Variants in SNX13 observed in about 807,000 individuals in gnomAD.
SNX13 encodes the protein sorting nexin-13.
In SNX13, 45 loss-of-function variants were observed where a neutral mutation model predicts 133.6. That is an observed-to-expected ratio of 0.34 (90% CI 0.27 to 0.43). SNX13 has a LOEUF of 0.43. SNX13 is among the 20% of genes least tolerant of loss of function. The pLI, the probability that SNX13 is intolerant of heterozygous loss-of-function variation, is 1.00. For synonymous variants in SNX13, 414 were observed against 373.9 expected, an observed-to-expected ratio of 1.11 and a Z score of -1.24; for missense variants, 1,032 against 1,145.1, an observed-to-expected ratio of 0.90 and a Z score of 1.43.
intron 1 of SNX13, among the ~76,000 whole-genome samples, chr7:17,923,460 T>C (rs1432703874): frequency 6.6e-6 from 1 of 152,196 alleles, no homozygotes; most frequent in Non-Finnish European, 1.5e-5. Flanking sequence ...AGTGACTCTG[T>C]TAAGAGGCAG....
At chr7:17,915,110 T>C (rs1191237930) in intron 1 of SNX13, among the ~76,000 whole-genome samples, 1 of 151,948 alleles carries the variant, frequency 6.6e-6, no homozygotes, top group African/African-American at 2.4e-5. Context: ...CCAAAAACAC[T>C]AAAAAAGGAC....
At chr7:17,872,754 G>A (rs1325944659) in intron 8 of SNX13, among the ~76,000 whole-genome samples, 1 of 152,202 alleles carries the variant, frequency 6.6e-6, no homozygotes, top group Non-Finnish European at 1.5e-5. Flanking sequence ...ACAGACTAAA[G>A]AGATCATAAG....
chr7:17,859,749 A>G (rs1792399666), intron 9 of SNX13, among the ~76,000 whole-genome samples: 1 of 152,174 alleles, frequency 6.6e-6, no homozygotes, highest in Non-Finnish European at 1.5e-5. Context: ...GGGATCATGC[A>G]GTATTTGTCT....
intron 1 of SNX13, among the ~76,000 whole-genome samples, chr7:17,913,760 CAAAA>C (rs71010278): frequency 7.2e-4 from 39 of 54,074 alleles, no homozygotes; most frequent in South Asian, 3.0e-3. Context: ...TTAACAAAAA[CAAAA>C]AAAAAAAAAA....
intron 9 of SNX13, among the ~76,000 whole-genome samples, chr7:17,855,996 T>G (rs1400121782): frequency 2.6e-5 from 4 of 152,192 alleles, no homozygotes; most frequent in Non-Finnish European, 5.9e-5. Flanking sequence ...AGGTCAAATA[T>G]CAACATTCAC....
intron 1 of SNX13, among the ~76,000 whole-genome samples, chr7:17,913,689 T>C (rs562011128): frequency 7.0e-6 from 1 of 142,340 alleles, no homozygotes. Context: ...CATACGTCAG[T>C]CATACCCTCA....
At chr7:17,837,708 T>C (rs1254850619) in intron 13 of SNX13, among the ~76,000 whole-genome samples, 1 of 152,020 alleles carries the variant, frequency 6.6e-6, no homozygotes, top group Non-Finnish European at 1.5e-5. Flanking sequence ...AATCCCTTTT[T>C]GAGGAAAAAT....
At chr7:17,821,728 G>T in intron 17 of SNX13, 80 bp from the exon 18 acceptor site, 1 of 1,474,154 alleles carries the variant, frequency 6.8e-7, no homozygotes, top group South Asian at 1.3e-5. Context: ...CACAAAAAAG[G>T]AGGAAGATGA....
intron 1 of SNX13, among the ~76,000 whole-genome samples, chr7:17,920,388 CT>C (rs1425309748): frequency 6.6e-6 from 1 of 152,182 alleles, no homozygotes; most frequent in Non-Finnish European, 1.5e-5. Context: ...TTTGAATGAA[CT>C]CTTCATTCAA....
intron 5 of SNX13, among the ~76,000 whole-genome samples, chr7:17,884,846 TAAC>T (rs1795798034): frequency 6.6e-6 from 1 of 152,150 alleles, no homozygotes; most frequent in African/African-American, 2.4e-5. Flanking sequence ...ACTAAGATGG[TAAC>T]AAAAAGACAG....
At chr7:17,851,716 G>A (rs1440135005) in intron 9 of SNX13, among the ~76,000 whole-genome samples, 8 of 151,274 alleles carry the variant, frequency 5.3e-5, no homozygotes, top group Non-Finnish European at 7.4e-5. Context: ...AGCATTTGCC[G>A]GGCGGGGGGG....
intron 17 of SNX13, among the ~76,000 whole-genome samples, chr7:17,825,683 C>G (rs1407890923): frequency 1.3e-5 from 2 of 152,072 alleles, no homozygotes; most frequent in African/African-American, 4.8e-5. Flanking sequence ...TAATCCTGAA[C>G]TAAGATCTCT....
rs199942494 is a variant in SNX13 at position 17,804,210 on chromosome 7, C to CA, written c.2065-631dup. Among the ~76,000 whole-genome samples, 303 of 149,974 alleles carry CA rather than the reference C, an allele frequency of 2.0e-3. 1 individual carries two copies. Among genetic ancestry groups the CA allele is most frequent in the African/African-American group, 6.8e-3 (280 of 40,944 alleles). On this transcript the variant is annotated intron_variant, in intron 20 of 25. Transcript: ENST00000428135. ...AAGTTTTCCATTCAAAATTGTAAAA[C>CA]AAAAAAAAATGTTTTCCAAAACAGA...
intron 15 of SNX13, chr7:17,832,167 C>T: frequency 1.0e-6 from 1 of 984,120 alleles, no homozygotes; most frequent in Non-Finnish European, 1.2e-6. Context: ...CAGATCAAAA[C>T]CAGTTCCAAA....
intron 25 of SNX13, chr7:17,795,185 T>G (rs1292048456): frequency 6.6e-6 from 1 of 151,634 alleles, no homozygotes; most frequent in African/African-American, 2.4e-5. Flanking sequence ...GTGAGCAAAT[T>G]TGGTGTTTAA....
chr7:17,871,207 G>A (rs372714505), intron 8 of SNX13, among the ~76,000 whole-genome samples: 16 of 152,088 alleles, frequency 1.1e-4, no homozygotes, highest in African/African-American at 2.7e-4. Context: ...GCGTTTCACC[G>A]TGTTAGCCAG....
intron 5 of SNX13, among the ~76,000 whole-genome samples, chr7:17,886,663 A>G (rs1183822491): frequency 2.6e-5 from 4 of 152,152 alleles, no homozygotes; most frequent in Non-Finnish European, 5.9e-5. Flanking sequence ...GGGATTTACC[A>G]CCCACACTTC....
chr7:17,794,554 A>G (rs903920590), intron 25 of SNX13: 1 of 342,202 alleles, frequency 2.9e-6, no homozygotes, highest in Non-Finnish European at 5.3e-6. Flanking sequence ...AGTCTCAAAG[A>G]TCCCAAACTA....
At chr7:17,805,256 C>CGCGCGCGT (rs1562663314) in intron 20 of SNX13, among the ~76,000 whole-genome samples, 1 of 58,236 alleles carries the variant, frequency 1.7e-5, no homozygotes, top group African/African-American at 6.9e-5. Context: ...TGTGTGCGTG[C>CGCGCGCGT]GCGCGCGCGC....
Sources: gnomAD v4.1 joint callset for allele counts (sites outside exome capture counted in the v4.1 genomes callset) on GRCh38, gnomAD v4.1.1 for gene constraint, MANE v1.5 for transcripts, NCBI Gene and HGNC (gene_info 2026-07-23, HGNC 2026-07-21) for gene names.